The following KIAA1217 variants were observed in gnomAD, a reference collection of about 807,000 sequenced individuals.
KIAA1217 encodes the protein sickle tail protein homolog.
Under a neutral mutation model 163.9 loss-of-function variants are expected in KIAA1217, and 88 were observed. That is an observed-to-expected ratio of 0.54 (90% CI 0.45 to 0.64). KIAA1217 has a LOEUF of 0.64. Among genes scored for constraint, KIAA1217 ranks in the 30% least tolerant of loss-of-function variants. The probability of loss-of-function intolerance (pLI) is 0.00; values close to 1 mark genes in which losing one functional copy is unlikely to be tolerated. For missense variants in KIAA1217, 2,372 were observed against 2,475.0 expected (o/e 0.96, Z 0.88); for synonymous variants, 903 against 923.1 (o/e 0.98, Z 0.39).
At chr10:23,940,553 A>G (rs1280492621) in intron 1 of KIAA1217, among the ~76,000 whole-genome samples, 1 of 152,158 alleles carries the variant, frequency 6.6e-6, no homozygotes, top group Admixed American at 6.5e-5. Flanking sequence ...AGAATCATCA[A>G]GTATGTAAGA....
chr10:24,438,797 C>T (rs1283469449), intron 5 of KIAA1217, among the ~76,000 whole-genome samples: 1 of 152,190 alleles, frequency 6.6e-6, no homozygotes, highest in Non-Finnish European at 1.5e-5. Context: ...CTCAGAAGAT[C>T]TCTTGCATTT....
intron 1 of KIAA1217, among the ~76,000 whole-genome samples, chr10:23,790,888 C>T (rs1203969981): frequency 6.6e-6 from 1 of 151,858 alleles, no homozygotes. Flanking sequence ...GGATGTGCCA[C>T]CAGGCCCAGT....
chr10:24,048,745 T>A (rs144361572), intron 2 of KIAA1217, among the ~76,000 whole-genome samples: 3,520 of 108,270 alleles, frequency 0.033, 62 homozygotes, highest in Middle Eastern at 0.16. Context: ...AAAAAAAAAA[T>A]ATATTGGCCG....
chr10:24,089,056 CA>C (rs1172340783), intron 2 of KIAA1217, among the ~76,000 whole-genome samples: 1 of 125,612 alleles, frequency 8.0e-6, no homozygotes, highest in Non-Finnish European at 2.0e-5. Flanking sequence ...TGGTGATGAG[CA>C]TTTTTTCATG....
chr10:24,048,409 T>C lies in KIAA1217; in HGVS notation c.-171+41035T>C, dbSNP rs536597178. Among the ~76,000 whole-genome samples, 7 of 152,348 alleles carry C rather than the reference T, an allele frequency of 4.6e-5. No individual in the cohort carries two copies. In the South Asian group the frequency reaches 8.3e-4, roughly 18 times the overall value. ...GAAAAATTACACTTACTTCTAGAGT[T>C]TTCCATTTCTTGACTAATCTTATTT... On this transcript the variant is annotated intron_variant, in intron 2 of 18. Transcript: ENST00000376462.
intron 1 of KIAA1217, among the ~76,000 whole-genome samples, chr10:23,904,063 T>C (rs1320837226): frequency 7.9e-5 from 12 of 152,276 alleles, no homozygotes; most frequent in Admixed American, 6.5e-4. Flanking sequence ...AACAGTAACC[T>C]AGAGGAGTTC....
rs549194014 is a variant in KIAA1217 at position 23,709,536 on chromosome 10, GA to G, written c.-321+14314del. ...AAAGCAATACCCTGTCTCCAAAAAAGAAAAAAAAAAAATAAAGAAATAGAAA... is the reference window on the plus strand; with the variant it reads ...AAAGCAATACCCTGTCTCCAAAAAAGAAAAAAAAAAATAAAGAAATAGAAA... On this transcript the variant is annotated intron_variant, in intron 1 of 18. Transcript: ENST00000376462. Among the ~76,000 whole-genome samples the G allele has an allele frequency of 7.3e-3, 963 of 131,128 alleles. 6 individuals carry two copies. Among genetic ancestry groups the G allele is most frequent in the East Asian group, 0.023 (107 of 4,600 alleles). 86.0% of individuals were successfully genotyped at this position (131,128 alleles called of 152,430 possible).
intron 2 of KIAA1217, among the ~76,000 whole-genome samples, chr10:24,299,662 A>T (rs1016558559): frequency 1.3e-5 from 2 of 152,180 alleles, no homozygotes; most frequent in African/African-American, 4.8e-5. Flanking sequence ...GGCCTCCCAA[A>T]GTACTGGGAT....
intron 10 of KIAA1217, among the ~76,000 whole-genome samples, 168 bp from the exon 11 acceptor site, chr10:24,519,955 C>A (rs888283302): frequency 6.6e-6 from 1 of 152,166 alleles, no homozygotes; most frequent in African/African-American, 2.4e-5. Flanking sequence ...ATGTTCCCAG[C>A]CACTGTTAAA....
intron 2 of KIAA1217, among the ~76,000 whole-genome samples, chr10:24,345,915 T>G (rs763635184): frequency 1.3e-5 from 2 of 152,158 alleles, no homozygotes; most frequent in Non-Finnish European, 1.5e-5. Flanking sequence ...CTTCAGAACT[T>G]TTTCATCTTG....
chr10:23,886,060 G>C (rs1375521159), intron 1 of KIAA1217, among the ~76,000 whole-genome samples: 1 of 151,860 alleles, frequency 6.6e-6, no homozygotes, highest in Non-Finnish European at 1.5e-5. Flanking sequence ...GTTCAGCTCT[G>C]GGTGTGATTG....
chr10:23,738,032 T>C (rs1375029652), intron 1 of KIAA1217, among the ~76,000 whole-genome samples: 1 of 152,152 alleles, frequency 6.6e-6, no homozygotes, highest in Non-Finnish European at 1.5e-5. Context: ...CGTAGATATA[T>C]ATATAAAATC....
Position 23,927,272 on chromosome 10 carries a change from G to C in KIAA1217, c.-320-79953G>C, listed in dbSNP as rs533523683. ...AAAATTTTTACTATAAGTTATTTCTGTTCCAGCAGTAGTTCCATTTTCTCT... is the reference window on the plus strand; with the variant it reads ...AAAATTTTTACTATAAGTTATTTCTCTTCCAGCAGTAGTTCCATTTTCTCT... On this transcript the variant is annotated intron_variant, in intron 1 of 18. Coordinates refer to the KIAA1217 transcript ENST00000376462. 2.0e-5 allele frequency among the ~76,000 whole-genome samples: 3 copies of C among 151,592 alleles called. No individual in the cohort carries two copies. In the South Asian group the frequency reaches 6.3e-4, roughly 32 times the overall value.
chr10:24,106,763 CT>C (rs1156911792), intron 2 of KIAA1217, among the ~76,000 whole-genome samples: 1 of 152,158 alleles, frequency 6.6e-6, no homozygotes, highest in Non-Finnish European at 1.5e-5. Context: ...CATAATTTTT[CT>C]GCCTAAATAT....
Position 24,219,668 on chromosome 10 carries a change from C to T in KIAA1217, c.113C>T (p.Ala38Val), listed in dbSNP as rs2069319465. 1.2e-6 allele frequency: 2 copies of T among 1,611,696 alleles called. No individual in the cohort carries two copies. The highest frequency in any genetic ancestry group is 1.3e-5 in the African/African-American group (1 of 74,820). ...GNLHVTSPED[A>V]ECRRTKERLS... is the part of the protein sequence containing the mutation. Reference sequence around the variant, plus strand: ...CTGCATGTAACATCACCAGAAGATGCAGAATGCCGCAGAACCAAGGAACGC... The same window carrying T: ...CTGCATGTAACATCACCAGAAGATGTAGAATGCCGCAGAACCAAGGAACGC... The change falls in exon 2 of 21, where the codon GCA becomes GTA. Residue 38 changes from alanine to valine, a missense_variant. Transcript: ENST00000376454.
rs1382283891 is a variant in KIAA1217, at chr10:23,790,016, TAC to T, written c.-321+94786_-321+94787del. On this transcript the variant is annotated intron_variant, in intron 1 of 18. Transcript: ENST00000376462. ...ATATACACATATGCACATACACATATACACATATGCATATACACATATACATA... is the reference window on the plus strand; with the variant it reads ...ATATACACATATGCACATACACATATACATATGCATATACACATATACATA... 1.2e-4 allele frequency among the ~76,000 whole-genome samples: 14 copies of T among 120,708 alleles called. 3 individuals carry two copies. The highest frequency in any genetic ancestry group is 8.9e-4 in the East Asian group (4 of 4,476). The allele number at this position is 120,708 out of a possible 152,430, so 79.2% of individuals were successfully genotyped here.
intron 1 of KIAA1217, among the ~76,000 whole-genome samples, chr10:23,832,638 T>C (rs74968308): frequency 6.6e-6 from 1 of 152,156 alleles, no homozygotes; most frequent in African/African-American, 2.4e-5. Flanking sequence ...GAAGACTCAT[T>C]ATTCCACAGA....
At chr10:24,202,717 G>A (rs2067330903) in intron 2 of KIAA1217, among the ~76,000 whole-genome samples, 1 of 152,140 alleles carries the variant, frequency 6.6e-6, no homozygotes, top group Admixed American at 6.5e-5. Context: ...GAGGTCCCTG[G>A]CATCACAGTC....
intron 1 of KIAA1217, among the ~76,000 whole-genome samples, chr10:23,800,928 G>A (rs762390997): frequency 2.6e-5 from 4 of 152,088 alleles, no homozygotes. Flanking sequence ...AATTTCTCAA[G>A]GATCTAGAAC....
Sources: gnomAD v4.1 joint callset for allele counts (sites outside exome capture counted in the v4.1 genomes callset) on GRCh38, gnomAD v4.1.1 for gene constraint, MANE v1.5 for transcripts, NCBI Gene and HGNC (gene_info 2026-07-23, HGNC 2026-07-21) for gene names.